The following AIG1 variants were observed in gnomAD, a reference collection of about 807,000 sequenced individuals.
AIG1 encodes the protein androgen-induced gene 1 protein.
AIG1 carries 23 observed loss-of-function variants against 31.4 expected under a neutral mutation model. That is an observed-to-expected ratio of 0.73 (90% CI 0.53 to 1.04). The LOEUF (loss-of-function observed/expected upper bound fraction) is 1.04. Ranked by LOEUF, AIG1 falls within the 50% of genes least tolerant of loss-of-function variation. AIG1 has a pLI of 0.00. For missense variants in AIG1, 274 were observed against 295.0 expected (o/e 0.93, Z 0.52); for synonymous variants, 100 against 110.5 (o/e 0.90, Z 0.60).
chr6:143,167,526 T>C (rs1292710444), intron 3 of AIG1, among the ~76,000 whole-genome samples: 1 of 152,204 alleles, frequency 6.6e-6, no homozygotes, highest in African/African-American at 2.4e-5. Context: ...CTGCACAATA[T>C]TACCTTCATG....
At chr6:143,336,597 A>T (rs943114673) in intron 5 of AIG1, among the ~76,000 whole-genome samples, 1 of 152,236 alleles carries the variant, frequency 6.6e-6, no homozygotes, top group Non-Finnish European at 1.5e-5. Flanking sequence ...ATTTCAGCAT[A>T]TGAATTTGGA....
chr6:143,236,252 G>T (rs1793793676), intron 3 of AIG1, among the ~76,000 whole-genome samples: 1 of 152,230 alleles, frequency 6.6e-6, no homozygotes, highest in Non-Finnish European at 1.5e-5. Context: ...CAGCCATCTG[G>T]GCTGGGGCCT....
intron 4 of AIG1, among the ~76,000 whole-genome samples, chr6:143,289,181 A>G (rs1335505261): frequency 2.0e-5 from 3 of 152,184 alleles, no homozygotes; most frequent in African/African-American, 7.2e-5. Context: ...ACAAATGCAA[A>G]GATCCCCCAC....
intron 3 of AIG1, among the ~76,000 whole-genome samples, chr6:143,216,591 C>A (rs1368719154): frequency 6.6e-6 from 1 of 152,216 alleles, no homozygotes; most frequent in African/African-American, 2.4e-5. Flanking sequence ...TTACTTGTTG[C>A]TGCTAGGATG....
chr6:143,149,110 A>T (rs780488708), intron 2 of AIG1, among the ~76,000 whole-genome samples: 46 of 152,064 alleles, frequency 3.0e-4, no homozygotes, highest in Admixed American at 7.2e-4. Context: ...GCGTTACTGT[A>T]CTCCAAACTT....
chr6:143,067,163 C>T (rs1427247651), intron 1 of AIG1, among the ~76,000 whole-genome samples: 1 of 151,490 alleles, frequency 6.6e-6, no homozygotes, highest in African/African-American at 2.4e-5. Flanking sequence ...CAAATCCTGT[C>T]TGTAAATAAA....
intron 1 of AIG1, among the ~76,000 whole-genome samples, chr6:143,132,324 C>G (rs902789612): frequency 3.9e-5 from 6 of 152,082 alleles, no homozygotes; most frequent in African/African-American, 1.4e-4. Context: ...ATTTAATTCT[C>G]TCAGTTTCTG....
rs531336905 is a variant in AIG1 at position 143,334,366 on chromosome 6, A to C, written c.679+921A>C. ...GTGCCAGACACCCTGCCAGGAGCTC[A>C]ATGGAATCAGACAAATAACGCACAG... is the stretch of plus-strand genomic sequence containing the variant. On this transcript the variant is annotated intron_variant, in intron 5 of 5. Coordinates refer to ENST00000357847, the MANE Select transcript of AIG1 (RefSeq NM_016108.4). The surrounding 1 kb of genome is among the most constrained non-coding windows in gnomAD (Gnocchi z 5.1). 9.8e-5 allele frequency among the ~76,000 whole-genome samples: 15 copies of C among 152,348 alleles called. No homozygotes were observed. Among genetic ancestry groups the C allele is most frequent in the Non-Finnish European group, 1.8e-4 (12 of 68,030 alleles).
intron 3 of AIG1, chr6:143,188,170 G>A: frequency 8.0e-6 from 8 of 999,332 alleles, no homozygotes; most frequent in Non-Finnish European, 8.4e-6. Flanking sequence ...ATGGGAGGAA[G>A]AGGTATCTCT....
chr6:143,274,605 G>A, intron 3 of AIG1, among the ~76,000 whole-genome samples: 1 of 152,156 alleles, frequency 6.6e-6, no homozygotes, highest in Non-Finnish European at 1.5e-5. Context: ...ATTGAGACAT[G>A]TTTCCCAGAA....
intron 4 of AIG1, among the ~76,000 whole-genome samples, chr6:143,315,868 T>G (rs568263119): frequency 6.6e-6 from 1 of 152,118 alleles, no homozygotes; most frequent in Non-Finnish European, 1.5e-5. Flanking sequence ...CTGATTTAGT[T>G]TCTCAAAATA....
intron 3 of AIG1, among the ~76,000 whole-genome samples, chr6:143,275,351 G>C (rs1169239906): frequency 2.6e-5 from 4 of 152,110 alleles, no homozygotes; most frequent in Non-Finnish European, 5.9e-5. Context: ...TCTTTCTCCA[G>C]CTTAATCTTT....
intron 1 of AIG1, among the ~76,000 whole-genome samples, chr6:143,087,467 T>C (rs192870724): frequency 6.6e-6 from 1 of 152,192 alleles, no homozygotes; most frequent in Non-Finnish European, 1.5e-5. Flanking sequence ...GGTGAGACTT[T>C]AGTCTGATCA....
chr6:143,343,278 GTTAC>G, downstream of AIG1: 1 of 639,326 alleles, frequency 1.6e-6, no homozygotes, highest in South Asian at 1.4e-5. Context: ...AATATGGTAT[GTTAC>G]TTACCCTCAT....
intron 4 of AIG1, among the ~76,000 whole-genome samples, chr6:143,307,653 A>T (rs2128704234): frequency 6.6e-6 from 1 of 152,336 alleles, no homozygotes; most frequent in African/African-American, 2.4e-5. Context: ...GTCAGGGGTC[A>T]GGGACCCACT....
intron 3 of AIG1, among the ~76,000 whole-genome samples, chr6:143,210,645 G>T (rs1791510492): frequency 6.6e-6 from 1 of 152,128 alleles, no homozygotes; most frequent in African/African-American, 2.4e-5. Context: ...GAGACTAGTG[G>T]GGTCAACCAC....
At chr6:143,218,349 C>T (rs950008229) in intron 3 of AIG1, among the ~76,000 whole-genome samples, 28 of 152,162 alleles carry the variant, frequency 1.8e-4, no homozygotes, top group African/African-American at 6.8e-4. Flanking sequence ...AGGCATCTTA[C>T]CCACTACTGT....
At chr6:143,314,306 A>T (rs1033043812) in intron 4 of AIG1, among the ~76,000 whole-genome samples, 3 of 151,580 alleles carry the variant, frequency 2.0e-5, no homozygotes, top group Non-Finnish European at 4.4e-5. Context: ...TTGAGCTATG[A>T]TCCTACTACT....
At chr6:143,200,795 G>A (rs1790636271) in intron 3 of AIG1, among the ~76,000 whole-genome samples, 1 of 152,050 alleles carries the variant, frequency 6.6e-6, no homozygotes, top group Admixed American at 6.6e-5. Context: ...TGTTGCCTCA[G>A]GACCATTGCT....
Sources: gnomAD v4.1 joint callset for allele counts (sites outside exome capture counted in the v4.1 genomes callset) on GRCh38, gnomAD v4.1.1 for gene constraint, Gnocchi (gnomAD v3.1) non-coding constraint, MANE v1.5 for transcripts, NCBI Gene and HGNC (gene_info 2026-07-23, HGNC 2026-07-21) for gene names.